Variants in MOB2 observed in about 807,000 individuals in gnomAD.
MOB2 encodes MOB kinase activator 2.
Under a neutral mutation model 27.4 loss-of-function variants are expected in MOB2, and 14 were observed. That is an observed-to-expected ratio of 0.51 (90% CI 0.34 to 0.80). The LOEUF (loss-of-function observed/expected upper bound fraction) is 0.80, where lower values mean the gene tolerates loss of function less well. MOB2 is among the 30% of genes least tolerant of loss of function. MOB2 has a pLI of 0.01. For synonymous variants in MOB2, 167 were observed against 151.8 expected, an observed-to-expected ratio of 1.10 and a Z score of -0.74; for missense variants, 304 against 354.6, an observed-to-expected ratio of 0.86 and a Z score of 1.15.
chr11:1,470,049 A>G lies in MOB2; in HGVS notation c.*123T>C, dbSNP rs531756160. On this transcript the variant is annotated 3_prime_UTR_variant, in exon 5 of 5. Transcript: ENST00000329957. ...GTGCCTGTGCAGCCCACACCAGTGCAGCCCGGGGCCCTCTCAGACCTCACC... is the reference window on the plus strand; with the variant it reads ...GTGCCTGTGCAGCCCACACCAGTGCGGCCCGGGGCCCTCTCAGACCTCACC... 6.5e-7 allele frequency: 1 copy of G among 1,536,898 alleles called. No homozygotes were observed. Among genetic ancestry groups the G allele is most frequent in the East Asian group, 2.4e-5 (1 of 40,902 alleles).
intron 3 of MOB2, 94 bp downstream of exon 3, chr11:1,480,299 C>A (rs896768607): frequency 1.7e-6 from 2 of 1,165,912 alleles, no homozygotes; most frequent in Non-Finnish European, 2.5e-6. Flanking sequence ...CAGGTGAGAA[C>A]GGAATCTGAG....
chr11:1,473,773 T>C (rs1346256233), intron 3 of MOB2, among the ~76,000 whole-genome samples: 1 of 152,260 alleles, frequency 6.6e-6, no homozygotes, highest in Admixed American at 6.5e-5. Flanking sequence ...TTTATCCACA[T>C]GTGGACTCAC....
At chr11:1,479,575 G>C (rs1181253758) in intron 3 of MOB2, among the ~76,000 whole-genome samples, 1 of 152,236 alleles carries the variant, frequency 6.6e-6, no homozygotes, top group Non-Finnish European at 1.5e-5. Flanking sequence ...AGCTGCCTGT[G>C]CAGAAGCTCC....
At chr11:1,480,329 G>A in intron 3 of MOB2, 64 bp downstream of exon 3, 1 of 1,470,964 alleles carries the variant, frequency 6.8e-7, no homozygotes. Context: ...GCCTGGGGCA[G>A]CGGGGGCTCA....
chr11:1,481,912 G>A (rs1847919897), intron 1 of MOB2, among the ~76,000 whole-genome samples: 1 of 152,178 alleles, frequency 6.6e-6, no homozygotes, highest in Non-Finnish European at 1.5e-5. Flanking sequence ...GTACAGGGGT[G>A]GGACAGACAG....
intron 3 of MOB2, among the ~76,000 whole-genome samples, chr11:1,475,973 T>G (rs571308148): frequency 2.0e-5 from 3 of 152,360 alleles, no homozygotes; most frequent in Admixed American, 6.5e-5. Flanking sequence ...CATCACGCTC[T>G]TGCGCTTTGG....
intron 1 of MOB2, 135 bp from the exon 2 acceptor site, chr11:1,481,020 G>C: frequency 9.0e-7 from 1 of 1,106,392 alleles, no homozygotes; most frequent in Non-Finnish European, 1.3e-6. Context: ...CTCCCTGCCA[G>C]GCTCAAAGGA....
chr11:1,476,035 G>A (rs1024174628), intron 3 of MOB2, among the ~76,000 whole-genome samples: 9 of 152,208 alleles, frequency 5.9e-5, no homozygotes, highest in Non-Finnish European at 1.3e-4. Context: ...CTGGCACTGC[G>A]GCAGTGGATC....
rs1847970668 is a variant in MOB2 at position 1,486,444 on chromosome 11, TA to T, written c.110+2del. On this transcript the variant is annotated splice_donor_variant, in intron 1 of 4. Transcript: ENST00000329957. LOFTEE classifies it high-confidence loss of function. Reference sequence around the variant, plus strand: ...CTCCCCCAGCCAGGCTGGCAGGTGTTACCTGAGCACTTTGCTGACAGCCTGA... The same window carrying T: ...CTCCCCCAGCCAGGCTGGCAGGTGTTCCTGAGCACTTTGCTGACAGCCTGA... 6.5e-7 allele frequency: 1 copy of T among 1,534,062 alleles called. No individual in the cohort carries two copies. The highest frequency in any genetic ancestry group is 1.4e-5 in the African/African-American group (1 of 73,030).
rs1399287792 is a variant in MOB2, at chr11:1,469,999, G to A, written c.*173C>T. 6.6e-7 allele frequency: 1 copy of A among 1,505,708 alleles called. No homozygotes were observed. Among genetic ancestry groups the A allele is most frequent in the Non-Finnish European group, 8.9e-7 (1 of 1,120,020 alleles). The allele number at this position is 1,505,708 out of a possible 1,614,324, so 93.3% of individuals were successfully genotyped here. On this transcript the variant is annotated 3_prime_UTR_variant, in exon 5 of 5. Transcript: ENST00000329957. ...GCATCCATCCGACAGGGGGCCACAG[G>A]ACACGGCCGGGGCCGTCTGCGTCTG... is the stretch of plus-strand genomic sequence containing the variant.
At chr11:1,483,380 C>T (rs1004728967) in intron 1 of MOB2, among the ~76,000 whole-genome samples, 4 of 152,236 alleles carry the variant, frequency 2.6e-5, no homozygotes, top group African/African-American at 9.6e-5. Context: ...AGCCCACCCA[C>T]AGGGCTTCCG....
At chr11:1,485,797 G>A (rs1000930211) in intron 1 of MOB2, among the ~76,000 whole-genome samples, 1 of 152,220 alleles carries the variant, frequency 6.6e-6, no homozygotes, top group Non-Finnish European at 1.5e-5. Flanking sequence ...ACACGCCCCT[G>A]CACACACCGA....
At chr11:1,486,333 G>A in intron 1 of MOB2, 114 bp downstream of exon 1, 1 of 777,322 alleles carries the variant, frequency 1.3e-6, no homozygotes, top group Non-Finnish European at 2.1e-6. Context: ...ACACTGGGAG[G>A]GCAGCCACGG....
intron 3 of MOB2, among the ~76,000 whole-genome samples, chr11:1,479,768 A>G (rs1379019340): frequency 6.6e-6 from 1 of 152,192 alleles, no homozygotes; most frequent in East Asian, 1.9e-4. Flanking sequence ...CGCCCTCCTC[A>G]GCCGCACATG....
Position 1,470,175 on chromosome 11 carries a change from T to C in MOB2, c.804A>G (p.Arg268=), listed in dbSNP as rs1372519842. ...GPGAQNHVKE[R] is the part of the protein sequence containing the mutation. ...GCCCCTGTCCGGCCCGGGGGGCTCA[T>C]CTCTCCTTCACGTGGTTCTGTGCTC... The change falls in exon 5 of 5, where the codon AGA becomes AGG. Residue 268 remains arginine (R), a synonymous_variant. Coordinates refer to ENST00000329957, the MANE Select transcript of MOB2 (RefSeq NM_001172223.3). 1 of 1,599,258 alleles carries C rather than the reference T, an allele frequency of 6.3e-7. No homozygotes were observed.
chr11:1,485,657 C>T (rs34830395), intron 1 of MOB2, among the ~76,000 whole-genome samples: 2,735 of 152,218 alleles, frequency 0.018, 37 homozygotes, highest in Middle Eastern at 0.061. Context: ...CAACCCCACC[C>T]GGGAGGACAC....
chr11:1,481,160 AC>A, intron 1 of MOB2: 1 of 574,394 alleles, frequency 1.7e-6, no homozygotes, highest in Admixed American at 2.6e-5. Context: ...GGGCATCCTC[AC>A]CCCTCACCAA....
At chr11:1,476,564 C>T (rs893081390) in intron 3 of MOB2, among the ~76,000 whole-genome samples, 13 of 152,220 alleles carry the variant, frequency 8.5e-5, no homozygotes, top group African/African-American at 3.1e-4. Context: ...AAAGTCATCA[C>T]ATTTTGATTT....
chr11:1,470,214 G>A lies in MOB2; in HGVS notation c.765C>T (p.Gly255=), dbSNP rs1305937145. 1.2e-6 allele frequency: 2 copies of A among 1,611,596 alleles called. No individual in the cohort carries two copies. Among genetic ancestry groups the A allele is most frequent in the Admixed American group, 1.7e-5 (1 of 59,910 alleles). The change falls in exon 5 of 5, where the codon GGC becomes GGT. Residue 255 remains glycine (G), a synonymous_variant. Coordinates refer to ENST00000329957, the MANE Select transcript of MOB2 (RefSeq NM_001172223.3). ...GGTTCTGTGCTCCCGGGCCCCCGCT[G>A]CCGGCCCCATCCCCACTGCCCCCAC... The part of the protein sequence containing the change: ...VHSGGSGDGA[G]SGGPGAQNHV...
Sources: gnomAD v4.1 joint callset for allele counts (sites outside exome capture counted in the v4.1 genomes callset) on GRCh38, gnomAD v4.1.1 for gene constraint, MANE v1.5 for transcripts, NCBI Gene and HGNC (gene_info 2026-07-23, HGNC 2026-07-21) for gene names.